Variants in CPS1 observed in about 807,000 individuals in gnomAD.
CPS1 encodes carbamoyl-phosphate synthase [ammonia], mitochondrial.
A neutral mutation model predicts 174.6 loss-of-function variants in CPS1; 109 were observed. That is an observed-to-expected ratio of 0.62 (90% CI 0.53 to 0.73). CPS1 has a LOEUF of 0.73. CPS1 is among the 30% of genes least tolerant of loss of function. CPS1 has a pLI of 0.00. For synonymous variants in CPS1, 637 were observed against 632.0 expected, an observed-to-expected ratio of 1.01 and a Z score of -0.12; for missense variants, 1,689 against 1,821.9, an observed-to-expected ratio of 0.93 and a Z score of 1.33.
chr2:210,500,409 C>T (rs1695109252), intron 1 of CPS1, among the ~76,000 whole-genome samples: 1 of 152,204 alleles, frequency 6.6e-6, no homozygotes, highest in Admixed American at 6.5e-5. Flanking sequence ...AGGCAAGTCT[C>T]TTCTGCCTAT....
intron 5 of CPS1, among the ~76,000 whole-genome samples, chr2:210,580,937 C>CAT (rs1046881140): frequency 2.0e-5 from 3 of 150,064 alleles, no homozygotes; most frequent in Admixed American, 6.7e-5. Flanking sequence ...AGGATATATA[C>CAT]ATATATATAT....
chr2:210,561,436 C>T (rs747635350), intron 1 of CPS1, among the ~76,000 whole-genome samples: 4 of 152,254 alleles, frequency 2.6e-5, no homozygotes, highest in Admixed American at 6.5e-5. Context: ...GACTTTCTGA[C>T]GATCTAGAGG....
upstream of CPS1, among the ~76,000 whole-genome samples, chr2:210,552,832 TAAAAG>T (rs1401390370): frequency 1.3e-5 from 2 of 152,030 alleles, no homozygotes; most frequent in African/African-American, 4.8e-5. Flanking sequence ...CAGTAGTTGA[TAAAAG>T]AATAGTATCA....
chr2:210,539,647 A>G (rs2106011216), intron 1 of CPS1, among the ~76,000 whole-genome samples: 1 of 152,292 alleles, frequency 6.6e-6, no homozygotes, highest in South Asian at 2.1e-4. Context: ...GGAAAGGGTA[A>G]TCAGATTGAT....
chr2:210,498,881 T>C (rs1180480662), intron 1 of CPS1, among the ~76,000 whole-genome samples: 1 of 152,048 alleles, frequency 6.6e-6, no homozygotes, highest in East Asian at 1.9e-4. Context: ...ACAGGTACTC[T>C]TACTGCTTGG....
intron 21 of CPS1, chr2:210,619,229 A>T (rs1185101508): frequency 6.6e-6 from 1 of 152,114 alleles, no homozygotes; most frequent in Non-Finnish European, 1.5e-5. Context: ...CATTGGAAGG[A>T]GCAGACTATG....
chr2:210,661,822 T>C (rs1484596415), intron 32 of CPS1, among the ~76,000 whole-genome samples: 4 of 152,044 alleles, frequency 2.6e-5, no homozygotes, highest in African/African-American at 4.8e-5. Context: ...TCTTTATTCA[T>C]AGTTATAGGA....
chr2:210,632,298 T>C (rs1008136538), intron 21 of CPS1, among the ~76,000 whole-genome samples: 3 of 152,234 alleles, frequency 2.0e-5, no homozygotes, highest in Non-Finnish European at 4.4e-5. Flanking sequence ...AGTCTCCACA[T>C]TGTTAAATGA....
At chr2:210,482,169 C>G (rs1049793451) in intron 1 of CPS1, among the ~76,000 whole-genome samples, 2 of 152,122 alleles carry the variant, frequency 1.3e-5, no homozygotes, top group Non-Finnish European at 2.9e-5. Context: ...TGGGTAACTC[C>G]GAGTTCGGAA....
intron 30 of CPS1, chr2:210,658,231 A>C: frequency 3.4e-6 from 1 of 296,450 alleles, no homozygotes; most frequent in Non-Finnish European, 6.5e-6. Context: ...CCCAGCAGGT[A>C]GGTCATTACA....
In CPS1 at chr2:210,648,464, A is replaced by G. The variant is rs1031349225; in HGVS notation, c.3337-9A>G. 5 of 1,607,654 alleles carry G rather than the reference A, an allele frequency of 3.1e-6. No homozygotes were observed. The highest frequency in any genetic ancestry group is 1.7e-5 in the Admixed American group (1 of 59,930). On this transcript the variant is annotated splice_polypyrimidine_tract_variant and intron_variant, in intron 26 of 37. Coordinates refer to ENST00000233072, the MANE Select transcript of CPS1 (RefSeq NM_001875.5). ...CTCATACATTTTTATTGTTGTTTCTATTAATTAGAATGAAGCACTGGAATT... is the reference window on the plus strand; with the variant it reads ...CTCATACATTTTTATTGTTGTTTCTGTTAATTAGAATGAAGCACTGGAATT...
chr2:210,661,903 C>CTTT (rs397987631), intron 32 of CPS1, among the ~76,000 whole-genome samples: 52 of 106,646 alleles, frequency 4.9e-4, no homozygotes, highest in Non-Finnish European at 6.3e-4. Flanking sequence ...GATAGATATG[C>CTTT]TTTTTTTTTT....
At chr2:210,656,686 A>G (rs373074705) in intron 30 of CPS1, 54 bp downstream of exon 30, 48 of 1,239,670 alleles carry the variant, frequency 3.9e-5, no homozygotes, top group Non-Finnish European at 5.1e-5. Context: ...AGAAAAAAAC[A>G]CCTAAGGTTT....
At chr2:210,599,705 A>G in intron 14 of CPS1, 144 bp downstream of exon 14, 2 of 811,580 alleles carry the variant, frequency 2.5e-6, no homozygotes, top group Non-Finnish European at 2.1e-6. Context: ...GCAAACAGCC[A>G]CTTAATATAG....
intron 24 of CPS1, 71 bp from the exon 25 acceptor site, chr2:210,642,413 A>T: frequency 6.4e-7 from 1 of 1,562,870 alleles, no homozygotes; most frequent in Non-Finnish European, 8.8e-7. Context: ...CTGGTGATAC[A>T]TTTCTGCTTC....
At chr2:210,578,624 CT>C (rs1697792530) in intron 4 of CPS1, among the ~76,000 whole-genome samples, 1 of 152,002 alleles carries the variant, frequency 6.6e-6, no homozygotes, top group Non-Finnish European at 1.5e-5. Context: ...AACATTGCTG[CT>C]TTCTGAAAAA....
intron 33 of CPS1, among the ~76,000 whole-genome samples, chr2:210,665,730 G>C (rs1013494741): frequency 6.6e-6 from 1 of 150,432 alleles, no homozygotes; most frequent in Non-Finnish European, 1.5e-5. Flanking sequence ...TATCATTGTT[G>C]GACATTTGGG....
chr2:210,645,516 C>T (rs1029891123), intron 25 of CPS1, among the ~76,000 whole-genome samples: 1 of 152,132 alleles, frequency 6.6e-6, no homozygotes, highest in East Asian at 1.9e-4. Flanking sequence ...GAGTTCAGGC[C>T]GGGGATGGTG....
At chr2:210,508,918 C>T (rs868164950) in intron 1 of CPS1, among the ~76,000 whole-genome samples, 1 of 152,092 alleles carries the variant, frequency 6.6e-6, no homozygotes, top group Non-Finnish European at 1.5e-5. Context: ...AGTCCGGGAC[C>T]AGACAGATTC....
Sources: allele counts gnomAD v4.1 joint callset (sites outside exome capture counted in the v4.1 genomes callset), GRCh38; gene constraint gnomAD v4.1.1; transcripts MANE v1.5; gene names NCBI Gene and HGNC (gene_info 2026-07-23, HGNC 2026-07-21).